Variants in DLGAP2 observed in about 807,000 individuals in gnomAD.
The protein encoded by DLGAP2 is disks large-associated protein 2.
Under a neutral mutation model 100.3 loss-of-function variants are expected in DLGAP2, and 26 were observed. The ratio of observed to expected loss-of-function variants is 0.26; its 90% confidence interval spans 0.19 to 0.36. The LOEUF (loss-of-function observed/expected upper bound fraction) is 0.36, where lower values mean the gene tolerates loss of function less well. DLGAP2 is among the 10% of genes least tolerant of loss of function. DLGAP2 has a pLI of 1.00. For synonymous variants in DLGAP2, 886 were observed against 630.1 expected (o/e 1.41, Z -6.08); for missense variants, 1,858 against 1,453.2 (o/e 1.28, Z -4.53).
At chr8:964,018 T>C (rs1318347860) in intron 2 of DLGAP2, among the ~76,000 whole-genome samples, 1 of 152,192 alleles carries the variant, frequency 6.6e-6, no homozygotes, top group Non-Finnish European at 1.5e-5. Flanking sequence ...ATCTCAAACA[T>C]TATTTGGAAA....
intron 1 of DLGAP2, among the ~76,000 whole-genome samples, chr8:884,890 T>A (rs1317205136): frequency 1.3e-5 from 2 of 152,234 alleles, no homozygotes; most frequent in Non-Finnish European, 2.9e-5. Flanking sequence ...GAATAGGAGA[T>A]CCTTTCTCCA....
intron 1 of DLGAP2, among the ~76,000 whole-genome samples, chr8:743,500 A>T (rs183160276): frequency 6.6e-6 from 1 of 152,316 alleles, no homozygotes; most frequent in East Asian, 1.9e-4. Flanking sequence ...GTTTCTTTGA[A>T]ATAAACCAAA....
intron 3 of DLGAP2, among the ~76,000 whole-genome samples, chr8:1,311,220 C>G (rs538933078): frequency 1.3e-5 from 2 of 152,214 alleles, no homozygotes; most frequent in South Asian, 2.1e-4. Flanking sequence ...ATGACCTAAA[C>G]TGACTGAAGA....
intron 2 of DLGAP2, among the ~76,000 whole-genome samples, chr8:1,149,294 C>T (rs572039539): frequency 2.7e-4 from 41 of 152,126 alleles, no homozygotes; most frequent in Non-Finnish European, 4.7e-4. Context: ...TACAGGCACC[C>T]GCCACCGCAC....
At chr8:1,215,136 A>C (rs1798187095) in intron 2 of DLGAP2, among the ~76,000 whole-genome samples, 1 of 152,238 alleles carries the variant, frequency 6.6e-6, no homozygotes, top group South Asian at 2.1e-4. Context: ...AATATGGTAC[A>C]AAAGGGGGAG....
intron 1 of DLGAP2, among the ~76,000 whole-genome samples, chr8:790,890 T>C (rs1822008272): frequency 6.6e-6 from 1 of 151,972 alleles, no homozygotes; most frequent in African/African-American, 2.4e-5. Flanking sequence ...GGACTACAGG[T>C]GCACGCCACC....
intron 2 of DLGAP2, among the ~76,000 whole-genome samples, chr8:1,237,016 G>T (rs200376239): frequency 0.014 from 1,454 of 105,522 alleles, 4 homozygotes; most frequent in Non-Finnish European, 0.02. Flanking sequence ...GTCTAGTTCT[G>T]TCTCACACAG....
intron 3 of DLGAP2, among the ~76,000 whole-genome samples, chr8:1,290,794 G>T (rs1236359055): frequency 1.3e-5 from 2 of 152,176 alleles, no homozygotes; most frequent in Non-Finnish European, 2.9e-5. Flanking sequence ...TGATAGCTTG[G>T]AGCTGTCAAC....
intron 3 of DLGAP2, among the ~76,000 whole-genome samples, chr8:1,452,025 C>A (rs1021030687): frequency 1.3e-5 from 2 of 152,254 alleles, no homozygotes; most frequent in African/African-American, 4.8e-5. Context: ...TGCCGATGTC[C>A]CATCCTGGGC....
At chr8:1,508,623 G>A (rs1389951754) in intron 4 of DLGAP2, among the ~76,000 whole-genome samples, 2 of 141,514 alleles carry the variant, frequency 1.4e-5, no homozygotes, top group African/African-American at 5.2e-5. Flanking sequence ...GGATGTGCCA[G>A]TAAGAATGAC....
At chr8:914,538 G>T (rs898509525) in intron 2 of DLGAP2, among the ~76,000 whole-genome samples, 1 of 152,232 alleles carries the variant, frequency 6.6e-6, no homozygotes, top group African/African-American at 2.4e-5. Flanking sequence ...TGTGCTGAGT[G>T]GAAAAATGTG....
chr8:1,385,886 C>T (rs181872428), intron 3 of DLGAP2, among the ~76,000 whole-genome samples: 1 of 152,242 alleles, frequency 6.6e-6, no homozygotes, highest in Non-Finnish European at 1.5e-5. Flanking sequence ...CTGTGCCCGG[C>T]CCCTGAGAAC....
At chr8:1,201,689 G>A (rs1229552315) in intron 2 of DLGAP2, among the ~76,000 whole-genome samples, 1 of 152,226 alleles carries the variant, frequency 6.6e-6, no homozygotes, top group Non-Finnish European at 1.5e-5. Context: ...CGTGGTCCAG[G>A]CCGTGGGATC....
Position 1,074,223 on chromosome 8 carries a change from ACAT to A in DLGAP2, c.73+166258_73+166260del, listed in dbSNP as rs1281615423. ...AGACTGAAGCTGAACTCACCCAGGTACATATTCAGGATTCACTGTAACAGAAGG... is the reference window on the plus strand; with the variant it reads ...AGACTGAAGCTGAACTCACCCAGGTAATTCAGGATTCACTGTAACAGAAGG... On this transcript the variant is annotated intron_variant, in intron 2 of 14. Coordinates refer to ENST00000637795, the MANE Select transcript of DLGAP2 (RefSeq NM_001346810.2). 6.1e-5 allele frequency among the ~76,000 whole-genome samples: 9 copies of A among 148,708 alleles called. No homozygotes were observed. In the East Asian group the frequency reaches 1.4e-3, roughly 24 times the overall value.
At chr8:1,649,074 A>G (rs977913545) in intron 8 of DLGAP2, among the ~76,000 whole-genome samples, 18 of 152,208 alleles carry the variant, frequency 1.2e-4, no homozygotes, top group African/African-American at 4.1e-4. Context: ...ACGCTTCAAA[A>G]TTTAACTTTA....
At chr8:1,379,502 AT>A (rs1796042061) in intron 3 of DLGAP2, 1 of 152,266 alleles carries the variant, frequency 6.6e-6, no homozygotes, top group African/African-American at 2.4e-5. Context: ...TCCTTCACTC[AT>A]TCACCGAGCC....
intron 2 of DLGAP2, among the ~76,000 whole-genome samples, chr8:1,073,301 A>T (rs981237323): frequency 1.3e-5 from 2 of 152,230 alleles, no homozygotes; most frequent in African/African-American, 4.8e-5. Flanking sequence ...CTGGGTATAA[A>T]ACAAATAGCC....
chr8:1,166,069 C>T (rs1375244000), intron 2 of DLGAP2, among the ~76,000 whole-genome samples: 3 of 152,214 alleles, frequency 2.0e-5, no homozygotes, highest in Non-Finnish European at 4.4e-5. Context: ...CCAAGGTTAT[C>T]TAAAGAGGAG....
intron 2 of DLGAP2, among the ~76,000 whole-genome samples, chr8:1,135,668 C>G (rs1302179955): frequency 6.6e-6 from 1 of 152,098 alleles, no homozygotes; most frequent in Non-Finnish European, 1.5e-5. Flanking sequence ...AGTGTGCTTT[C>G]CAGGAACTGC....
Sources: gnomAD v4.1 joint callset for allele counts (sites outside exome capture counted in the v4.1 genomes callset) on GRCh38, gnomAD v4.1.1 for gene constraint, MANE v1.5 for transcripts, NCBI Gene and HGNC (gene_info 2026-07-23, HGNC 2026-07-21) for gene names.